The following ZNF385D variants were observed in gnomAD, a reference collection of about 807,000 sequenced individuals.
The protein encoded by ZNF385D is zinc finger protein 659.
ZNF385D carries 15 observed loss-of-function variants against 35.8 expected under a neutral mutation model. The observed-to-expected ratio is 0.42, with a 90% CI of 0.28 to 0.64. ZNF385D has a LOEUF of 0.64. ZNF385D is among the 30% of genes least tolerant of loss of function. The probability of loss-of-function intolerance (pLI) is 0.23; values close to 1 mark genes in which losing one functional copy is unlikely to be tolerated. For missense variants in ZNF385D, 474 were observed against 494.6 expected, an observed-to-expected ratio of 0.96 and a Z score of 0.39; for synonymous variants, 212 against 186.8, an observed-to-expected ratio of 1.13 and a Z score of -1.10.
rs376049710 is a variant in ZNF385D at position 21,927,684 on chromosome 3, A to T, written c.325+241133T>A. ...ATGTAAACATAATAGAGCTAGAGTG[A>T]ATATTCTGATATCAGACAAAATAGA... On this transcript the variant is annotated intron_variant, in intron 3 of 5. Coordinates refer to the ZNF385D transcript ENST00000494108. Among the ~76,000 whole-genome samples, 161 of 152,360 alleles carry T rather than the reference A, an allele frequency of 1.1e-3. 1 individual carries two copies. The highest frequency in any genetic ancestry group is 3.4e-3 in the African/African-American group (140 of 41,586).
chr3:21,612,993 CTTTTTTTTTTT>C (rs11336822), intron 2 of ZNF385D, among the ~76,000 whole-genome samples: 1 of 137,258 alleles, frequency 7.3e-6, no homozygotes. Context: ...TTTCTTTTTT[CTTTTTTTTTTT>C]TTTTCAAAAC....
intron 2 of ZNF385D, among the ~76,000 whole-genome samples, chr3:22,356,138 T>C (rs1696138003): frequency 6.6e-6 from 1 of 151,984 alleles, no homozygotes; most frequent in Admixed American, 6.6e-5. Flanking sequence ...TACTTTGAAT[T>C]CCAAGGACTG....
intron 3 of ZNF385D, among the ~76,000 whole-genome samples, chr3:21,839,758 A>G (rs1198199196): frequency 6.6e-6 from 1 of 151,982 alleles, no homozygotes; most frequent in Non-Finnish European, 1.5e-5. Flanking sequence ...GGAAAAAGTG[A>G]TCCCTGGAGA....
At chr3:22,365,432 G>A (rs535655442) in intron 2 of ZNF385D, among the ~76,000 whole-genome samples, 1 of 151,966 alleles carries the variant, frequency 6.6e-6, no homozygotes, top group Non-Finnish European at 1.5e-5. Flanking sequence ...CTCATTAGCT[G>A]ATATTTCTAT....
intron 3 of ZNF385D, among the ~76,000 whole-genome samples, chr3:21,801,565 G>A (rs1456993538): frequency 6.6e-6 from 1 of 152,084 alleles, no homozygotes; most frequent in Non-Finnish European, 1.5e-5. Context: ...ATGAGGCACT[G>A]TTACCTTTTT....
chr3:22,039,157 ACCT>A (rs1231346290), intron 3 of ZNF385D, among the ~76,000 whole-genome samples: 3 of 150,324 alleles, frequency 2.0e-5, no homozygotes, highest in Non-Finnish European at 4.4e-5. Context: ...GTAGCAAAAA[ACCT>A]CTAAGGATGT....
At chr3:22,283,692 G>A in intron 2 of ZNF385D, among the ~76,000 whole-genome samples, 1 of 152,134 alleles carries the variant, frequency 6.6e-6, no homozygotes, top group East Asian at 1.9e-4. Flanking sequence ...TATCTCAGAA[G>A]GTGGTTGTGA....
At chr3:21,908,174 A>ATCTATC (rs1559743639) in intron 3 of ZNF385D, among the ~76,000 whole-genome samples, 2 of 126,880 alleles carry the variant, frequency 1.6e-5, no homozygotes, top group African/African-American at 5.7e-5. Flanking sequence ...ATCTATCTAT[A>ATCTATC]TATGTATAAA....
At chr3:22,009,629 AAAAAT>A (rs1265790151) in intron 3 of ZNF385D, among the ~76,000 whole-genome samples, 17,437 of 93,442 alleles carry the variant, frequency 0.19, 1,015 homozygotes, top group African/African-American at 0.28. Flanking sequence ...TCTCAAAAAA[AAAAAT>A]AAAAAAAAAA....
At position 22,362,261 on chromosome 3, in the gene ZNF385D, A is replaced by T. The variant is rs186961994; in HGVS notation, c.106+10189T>A. 2.0e-3 allele frequency among the ~76,000 whole-genome samples: 309 copies of T among 151,958 alleles called. 6 individuals carry two copies. In the South Asian group the frequency reaches 0.033, roughly 16 times the overall value. ...CTGAAAAGAGAAAACTCTAAGTATC[A>T]TCTCTTCAGATTAACTTGCATTGAT... On this transcript the variant is annotated intron_variant, in intron 2 of 5. Transcript: ENST00000494108.
intron 2 of ZNF385D, among the ~76,000 whole-genome samples, chr3:21,635,200 A>T (rs1173744386): frequency 6.6e-6 from 1 of 152,122 alleles, no homozygotes; most frequent in Non-Finnish European, 1.5e-5. Context: ...TGTAAGCTAG[A>T]CCCAGCTTCT....
rs936326743 is a variant in ZNF385D, at chr3:22,287,043, AT to A, written c.106+85406del. 2.2e-4 allele frequency among the ~76,000 whole-genome samples: 34 copies of A among 152,188 alleles called. 2 individuals carry two copies. The East Asian group carries it at 2.7e-3, about 12-fold the overall frequency. ...ATATATTTTAATAACTTCTTTAGATATTTATGTGCTCTGATGTTGGGTACAT... is the reference window on the plus strand; with the variant it reads ...ATATATTTTAATAACTTCTTTAGATATTATGTGCTCTGATGTTGGGTACAT... On this transcript the variant is annotated intron_variant, in intron 2 of 5. Transcript: ENST00000494108.
chr3:22,008,893 G>A (rs1383169184), intron 3 of ZNF385D, among the ~76,000 whole-genome samples: 5 of 152,258 alleles, frequency 3.3e-5, no homozygotes, highest in African/African-American at 1.2e-4. Context: ...TAGAATATCT[G>A]AAAATTAATG....
At chr3:22,234,897 A>C (rs1203293741) in intron 2 of ZNF385D, among the ~76,000 whole-genome samples, 2 of 152,058 alleles carry the variant, frequency 1.3e-5, no homozygotes, top group Non-Finnish European at 2.9e-5. Flanking sequence ...TAAGTTCTTA[A>C]ATAATGTACT....
At chr3:21,791,978 C>G (rs1374983556) in intron 3 of ZNF385D, among the ~76,000 whole-genome samples, 1 of 152,302 alleles carries the variant, frequency 6.6e-6, no homozygotes, top group East Asian at 1.9e-4. Context: ...CGTGATCCAC[C>G]TACCTCAGCC....
At chr3:21,829,739 A>T (rs1409652037) in intron 3 of ZNF385D, among the ~76,000 whole-genome samples, 1 of 151,914 alleles carries the variant, frequency 6.6e-6, no homozygotes, top group African/African-American at 2.4e-5. Context: ...ATGCTAAATT[A>T]TTGAAATATA....
intron 1 of ZNF385D, among the ~76,000 whole-genome samples, chr3:21,718,493 G>A (rs1020082547): frequency 8.5e-5 from 13 of 152,122 alleles, no homozygotes; most frequent in African/African-American, 2.9e-4. Flanking sequence ...CTACGTGCCC[G>A]GATATTTGCT....
At chr3:21,661,219 A>C (rs2066229737) in intron 2 of ZNF385D, among the ~76,000 whole-genome samples, 1 of 152,148 alleles carries the variant, frequency 6.6e-6, no homozygotes, top group Admixed American at 6.6e-5. Context: ...TGCCTGGAAT[A>C]GTTTGTATTT....
intron 3 of ZNF385D, among the ~76,000 whole-genome samples, chr3:22,143,585 G>T (rs1002587909): frequency 6.6e-6 from 1 of 151,730 alleles, no homozygotes; most frequent in Non-Finnish European, 1.5e-5. Flanking sequence ...GAGATAACAC[G>T]ATATATATTT....
Sources: gnomAD v4.1 joint callset for allele counts (sites outside exome capture counted in the v4.1 genomes callset) on GRCh38, gnomAD v4.1.1 for gene constraint, MANE v1.5 for transcripts, NCBI Gene and HGNC (gene_info 2026-07-23, HGNC 2026-07-21) for gene names.